The following CDH10 variants were observed in gnomAD, a reference collection of about 807,000 sequenced individuals.
CDH10 encodes cadherin-10.
In CDH10, 30 loss-of-function variants were observed where a neutral mutation model predicts 73.1. The observed-to-expected ratio is 0.41, with a 90% CI of 0.31 to 0.56. CDH10 has a LOEUF of 0.56. CDH10 is among the 20% of genes least tolerant of loss of function. The probability of loss-of-function intolerance (pLI) is 0.27; values close to 1 mark genes in which losing one functional copy is unlikely to be tolerated. For missense variants in CDH10, 815 were observed against 973.7 expected, an observed-to-expected ratio of 0.84 and a Z score of 2.17; for synonymous variants, 345 against 348.2, an observed-to-expected ratio of 0.99 and a Z score of 0.10.
intron 5 of CDH10, among the ~76,000 whole-genome samples, chr5:24,513,678 C>T (rs1156504803): frequency 6.6e-6 from 1 of 152,092 alleles, no homozygotes; most frequent in East Asian, 1.9e-4. Flanking sequence ...TGCAGTTGGT[C>T]CCTTAGCCTG....
intron 1 of CDH10, among the ~76,000 whole-genome samples, chr5:24,605,633 T>C (rs1378821528): frequency 6.6e-6 from 1 of 152,210 alleles, no homozygotes; most frequent in African/African-American, 2.4e-5. Flanking sequence ...CAAAATATCA[T>C]AGACACTTTA....
rs1431627895 is a variant in CDH10, at chr5:24,537,560, G to T, written c.346C>A (p.Arg116=). The change falls in exon 3 of 12, where the codon CGA becomes AGA. Residue 116 remains arginine, a synonymous_variant. Coordinates refer to ENST00000264463, the MANE Select transcript of CDH10 (RefSeq NM_006727.5). ...AAGGCCTTTTCCTCCCTATCAATTC[G>T]CCTTGTGGCATGAATATCACCTGTT... The part of the protein sequence containing the change: ...EKTGDIHATR[R]IDREEKAFYT... 2.5e-6 allele frequency: 4 copies of T among 1,612,544 alleles called. No individual in the cohort carries two copies. The highest frequency in any genetic ancestry group is 1.7e-5 in the Admixed American group (1 of 59,886).
Position 24,541,511 on chromosome 5 carries a change from T to C in CDH10, c.232-3837A>G, listed in dbSNP as rs111942032. 4.9e-3 allele frequency among the ~76,000 whole-genome samples: 752 copies of C among 152,190 alleles called. 9 individuals carry two copies. The highest frequency in any genetic ancestry group is 0.017 in the African/African-American group (710 of 41,556). On this transcript the variant is annotated intron_variant, in intron 2 of 11. Transcript: ENST00000264463. Reference sequence around the variant, plus strand: ...AACACTTGGATTTAAAAAACAAACATTTTATTGAACGAAAGAGTTTACATT... The same window carrying C: ...AACACTTGGATTTAAAAAACAAACACTTTATTGAACGAAAGAGTTTACATT...
At chr5:24,524,177 A>G (rs1487573580) in intron 5 of CDH10, among the ~76,000 whole-genome samples, 2 of 152,148 alleles carry the variant, frequency 1.3e-5, no homozygotes, top group Non-Finnish European at 2.9e-5. Context: ...AATCATTTTT[A>G]GGACAAGATT....
intron 1 of CDH10, among the ~76,000 whole-genome samples, chr5:24,597,044 C>G (rs1262198883): frequency 6.6e-6 from 1 of 151,886 alleles, no homozygotes; most frequent in Non-Finnish European, 1.5e-5. Context: ...TAATTTCAGT[C>G]CCAGTTAATT....
At chr5:24,523,575 T>G (rs2111826401) in intron 5 of CDH10, among the ~76,000 whole-genome samples, 1 of 152,280 alleles carries the variant, frequency 6.6e-6, no homozygotes, top group Non-Finnish European at 1.5e-5. Flanking sequence ...TCTGGAAATT[T>G]GTTCTCAAAC....
At chr5:24,598,187 T>A (rs1406264977) in intron 1 of CDH10, among the ~76,000 whole-genome samples, 3 of 151,962 alleles carry the variant, frequency 2.0e-5, no homozygotes, top group Non-Finnish European at 4.4e-5. Flanking sequence ...ATGCATCTAG[T>A]CTAAAGCACC....
chr5:24,586,933 C>G (rs969273733), intron 2 of CDH10, among the ~76,000 whole-genome samples: 68 of 146,306 alleles, frequency 4.6e-4, no homozygotes, highest in African/African-American at 1.8e-3. Flanking sequence ...CAAGCTCCGC[C>G]TCCCGGGTTC....
At chr5:24,581,396 A>G (rs1360140097) in intron 2 of CDH10, among the ~76,000 whole-genome samples, 1 of 152,146 alleles carries the variant, frequency 6.6e-6, no homozygotes, top group Non-Finnish European at 1.5e-5. Flanking sequence ...GATCACCATG[A>G]CCTGTTCTGC....
At chr5:24,584,473 T>A (rs865853142) in intron 2 of CDH10, among the ~76,000 whole-genome samples, 4 of 109,996 alleles carry the variant, frequency 3.6e-5, no homozygotes, top group African/African-American at 1.1e-4. Flanking sequence ...TTTGTGTGTG[T>A]GTGAGAGAGA....
intron 1 of CDH10, among the ~76,000 whole-genome samples, chr5:24,639,430 T>A (rs971977350): frequency 2.0e-5 from 3 of 151,820 alleles, no homozygotes; most frequent in Middle Eastern, 3.4e-3. Context: ...ATTCAGATAA[T>A]GATATTGAAT....
At chr5:24,509,345 T>C (rs1742811360) in intron 7 of CDH10, among the ~76,000 whole-genome samples, 1 of 149,576 alleles carries the variant, frequency 6.7e-6, no homozygotes, top group South Asian at 2.1e-4. Flanking sequence ...GTTCAAGTGA[T>C]TCTCCTGCCT....
intron 2 of CDH10, among the ~76,000 whole-genome samples, chr5:24,573,526 C>T (rs960419643): frequency 2.6e-5 from 4 of 151,606 alleles, no homozygotes; most frequent in Non-Finnish European, 4.4e-5. Context: ...ACGGTGAAAC[C>T]CCGACTCTAC....
intron 2 of CDH10, among the ~76,000 whole-genome samples, chr5:24,585,166 T>A (rs1010959265): frequency 1.3e-5 from 2 of 152,108 alleles, no homozygotes; most frequent in African/African-American, 2.4e-5. Flanking sequence ...TTAATCTTAA[T>A]AATACGACTC....
intron 9 of CDH10, among the ~76,000 whole-genome samples, chr5:24,494,394 A>G (rs1007715770): frequency 6.6e-6 from 1 of 151,958 alleles, no homozygotes; most frequent in Non-Finnish European, 1.5e-5. Flanking sequence ...TTATAAGTAT[A>G]TATTGAAGAG....
intron 5 of CDH10, among the ~76,000 whole-genome samples, chr5:24,525,791 G>A (rs1016125210): frequency 1.3e-5 from 2 of 152,052 alleles, no homozygotes; most frequent in African/African-American, 2.4e-5. Flanking sequence ...ACGAGATGCT[G>A]TACCATGTCT....
At chr5:24,548,477 C>CTT in intron 2 of CDH10, among the ~76,000 whole-genome samples, 1 of 99,308 alleles carries the variant, frequency 1.0e-5, no homozygotes, top group East Asian at 3.1e-4. Context: ...TCCCAGTCCT[C>CTT]CTCTTTTTTT....
chr5:24,643,493 A>C (rs1242241791), intron 1 of CDH10, among the ~76,000 whole-genome samples: 1 of 150,728 alleles, frequency 6.6e-6, no homozygotes. Context: ...AGTTGTCAAC[A>C]TCAGAAGGAC....
At chr5:24,620,201 T>G (rs574992803) in intron 1 of CDH10, among the ~76,000 whole-genome samples, 4 of 152,182 alleles carry the variant, frequency 2.6e-5, no homozygotes. Context: ...AACACATCAA[T>G]AGTTTTTCTA....
Sources: gnomAD v4.1 joint callset for allele counts (sites outside exome capture counted in the v4.1 genomes callset) on GRCh38, gnomAD v4.1.1 for gene constraint, MANE v1.5 for transcripts, NCBI Gene and HGNC (gene_info 2026-07-23, HGNC 2026-07-21) for gene names.